The following LNX1 variants were observed in gnomAD, a reference collection of about 807,000 sequenced individuals.
The protein encoded by LNX1 is ligand of numb-protein X 1.
A neutral mutation model predicts 68.4 loss-of-function variants in LNX1; 54 were observed. The ratio of observed to expected loss-of-function variants is 0.79; its 90% CI spans 0.63 to 0.99. LNX1 has a LOEUF of 0.99. Among genes scored for constraint, LNX1 ranks in the 50% least tolerant of loss-of-function variants. LNX1 has a pLI of 0.00. For missense variants in LNX1, 906 were observed against 926.4 expected, an observed-to-expected ratio of 0.98 and a Z score of 0.29; for synonymous variants, 336 against 350.0, an observed-to-expected ratio of 0.96 and a Z score of 0.45.
In LNX1 at chr4:53,476,958, C is replaced by T. The variant is rs1723605245; in HGVS notation, c.1687G>A (p.Gly563Arg). 6.2e-7 allele frequency: 1 copy of T among 1,613,954 alleles called. No individual in the cohort carries two copies. The highest frequency in any genetic ancestry group is 1.7e-5 in the Admixed American group (1 of 60,006). The change falls in exon 9 of 11, where the codon GGG becomes AGG. Residue 563 changes from glycine (G) to arginine (R), a missense_variant. Gly to Arg is a moderately radical substitution (Grantham distance 125). Coordinates refer to ENST00000263925, the MANE Select transcript of LNX1 (RefSeq NM_001126328.3). ...KTGDILLNVD[G>R]VELTEVSRSE... ...CGGCTGACCTCTGTCAGTTCGACCC[C>T]ATCCACATTCAACAAAATGTCACCT...
At chr4:53,538,081 C>G (rs574678960) in intron 2 of LNX1, among the ~76,000 whole-genome samples, 1 of 152,314 alleles carries the variant, frequency 6.6e-6, no homozygotes, top group African/African-American at 2.4e-5. Flanking sequence ...TTCAACCAAC[C>G]ATTGGCTAGA....
intron 5 of LNX1, chr4:53,496,666 A>G (rs2271558): frequency 0.38 from 142,375 of 371,788 alleles, 28,967 homozygotes; most frequent in South Asian, 0.59. Context: ...CCAGAATCCT[A>G]GCCTTCATTT....
intron 2 of LNX1, among the ~76,000 whole-genome samples, chr4:53,525,359 G>A (rs1225699854): frequency 6.6e-6 from 1 of 152,182 alleles, no homozygotes; most frequent in Non-Finnish European, 1.5e-5. Flanking sequence ...GTGCATGCCT[G>A]TAATCCCAGC....
chr4:53,511,043 TA>T (rs1726295867), intron 2 of LNX1, among the ~76,000 whole-genome samples: 2 of 152,328 alleles, frequency 1.3e-5, no homozygotes, highest in South Asian at 4.1e-4. Context: ...GAAAACCTCA[TA>T]AGGTAGGTAA....
At chr4:53,652,009 A>ATG (rs139303198) in intron 1 of LNX1, among the ~76,000 whole-genome samples, 1,657 of 127,338 alleles carry the variant, frequency 0.013, 14 homozygotes, top group Admixed American at 0.014. Flanking sequence ...CCTCAATTTG[A>ATG]TGTGTGTGTG....
At chr4:53,537,612 C>T (rs1484518060) in intron 2 of LNX1, among the ~76,000 whole-genome samples, 2 of 152,194 alleles carry the variant, frequency 1.3e-5, no homozygotes, top group Non-Finnish European at 2.9e-5. Flanking sequence ...GACTTTGCAT[C>T]AAACACAGGG....
chr4:53,641,665 G>A (rs1391449132), intron 1 of LNX1, among the ~76,000 whole-genome samples: 1 of 152,092 alleles, frequency 6.6e-6, no homozygotes, highest in Non-Finnish European at 1.5e-5. Context: ...CTTTCTCTTT[G>A]TAATCTCTCC....
At chr4:53,465,188 A>AGTTT (rs1722582946) in intron 9 of LNX1, among the ~76,000 whole-genome samples, 1 of 152,224 alleles carries the variant, frequency 6.6e-6, no homozygotes, top group African/African-American at 2.4e-5. Context: ...GCAAATAAAC[A>AGTTT]AGTTTGGCTG....
intron 9 of LNX1, among the ~76,000 whole-genome samples, chr4:53,462,866 CAG>C (rs1471481478): frequency 2.0e-5 from 3 of 152,212 alleles, no homozygotes; most frequent in African/African-American, 7.2e-5. Context: ...ACCTTGATGT[CAG>C]TGGTAAATTC....
chr4:53,480,631 A>G (rs532837752), intron 7 of LNX1, among the ~76,000 whole-genome samples: 1 of 152,274 alleles, frequency 6.6e-6, no homozygotes, highest in Non-Finnish European at 1.5e-5. Flanking sequence ...TAGACTCCTT[A>G]TTGTAGAGAA....
chr4:53,569,366 A>G (rs1486331080), intron 2 of LNX1, among the ~76,000 whole-genome samples: 2 of 134,952 alleles, frequency 1.5e-5, no homozygotes, highest in African/African-American at 5.7e-5. Flanking sequence ...CCGCATATCT[A>G]CAACTATCTG....
At chr4:53,629,782 A>C (rs1201038303) in intron 1 of LNX1, among the ~76,000 whole-genome samples, 1 of 152,210 alleles carries the variant, frequency 6.6e-6, no homozygotes, top group African/African-American at 2.4e-5. Flanking sequence ...TGTGGAGGCC[A>C]ACACCCCTGA....
At chr4:53,563,786 G>C (rs1334832141) in intron 2 of LNX1, among the ~76,000 whole-genome samples, 1 of 152,212 alleles carries the variant, frequency 6.6e-6, no homozygotes, top group African/African-American at 2.4e-5. Context: ...ACCCGCCTCG[G>C]CCTCCCAAAG....
chr4:53,468,610 G>C (rs1235039629), intron 9 of LNX1, among the ~76,000 whole-genome samples: 2 of 152,150 alleles, frequency 1.3e-5, no homozygotes. Context: ...CAAGTGCAGA[G>C]ACACACATAG....
intron 2 of LNX1, 48 bp from the exon 3 acceptor site, chr4:53,508,275 C>A: frequency 6.3e-7 from 1 of 1,594,090 alleles, no homozygotes; most frequent in Non-Finnish European, 8.6e-7. Context: ...GGCTCTGCTG[C>A]CATTCCTCAG....
intron 2 of LNX1, among the ~76,000 whole-genome samples, chr4:53,614,733 G>A (rs1399211890): frequency 2.0e-5 from 3 of 152,130 alleles, no homozygotes; most frequent in Non-Finnish European, 1.5e-5. Context: ...TATGGCTCAC[G>A]AGTTCATCTC....
chr4:53,557,368 G>A lies in LNX1; in HGVS notation c.380+16255C>T, dbSNP rs1387732032. Among the ~76,000 whole-genome samples, 6 of 152,040 alleles carry A rather than the reference G, an allele frequency of 3.9e-5. No individual in the cohort carries two copies. In the South Asian group the frequency reaches 1.0e-3, roughly 26 times the overall value. ...AGGCATGTTTCTTCGTATCCCATAGGTTTCAAAAGCATCAAAAATAAAAAT... is the reference window on the plus strand; with the variant it reads ...AGGCATGTTTCTTCGTATCCCATAGATTTCAAAAGCATCAAAAATAAAAAT... On this transcript the variant is annotated intron_variant, in intron 2 of 10. Coordinates refer to ENST00000263925, the MANE Select transcript of LNX1 (RefSeq NM_001126328.3).
rs1301942528 is a variant in LNX1, at chr4:53,498,958, T to C, written c.776-115A>G. On this transcript the variant is annotated intron_variant, in intron 4 of 10. Coordinates refer to ENST00000263925, the MANE Select transcript of LNX1 (RefSeq NM_001126328.3). ...TAAACTATTCATTTTTCCTCATACA[T>C]GTTTTCCATTTTCCTGCCTCTGTGT... is the stretch of plus-strand genomic sequence containing the variant. 8 of 761,196 alleles carry C rather than the reference T, an allele frequency of 1.1e-5. No homozygotes were observed. In the African/African-American group the frequency reaches 1.2e-4, roughly 12 times the overall value. 47.2% of individuals were successfully genotyped at this position (761,196 alleles called of 1,614,324 possible). A position where few individuals can be genotyped will look rare whatever the true frequency, so the allele number is the denominator to read the frequency against.
intron 6 of LNX1, among the ~76,000 whole-genome samples, chr4:53,486,670 A>G (rs1403626119): frequency 1.3e-5 from 2 of 152,236 alleles, no homozygotes; most frequent in Non-Finnish European, 2.9e-5. Context: ...CTGAGGAAAT[A>G]GGAACCATCT....
Sources: gnomAD v4.1 joint callset for allele counts (sites outside exome capture counted in the v4.1 genomes callset) on GRCh38, gnomAD v4.1.1 for gene constraint, MANE v1.5 for transcripts, NCBI Gene and HGNC (gene_info 2026-07-23, HGNC 2026-07-21) for gene names.